Variants in FAN1 observed in about 807,000 individuals in gnomAD.
FAN1 encodes fanconi-associated nuclease 1.
FAN1 carries 91 observed loss-of-function variants against 104.9 expected under a neutral mutation model. The ratio of observed to expected loss-of-function variants is 0.87; its 90% CI spans 0.73 to 1.03. The LOEUF (loss-of-function observed/expected upper bound fraction) is 1.03. FAN1 is among the 50% of genes least tolerant of loss of function. The probability of loss-of-function intolerance (pLI) is 0.00; values close to 1 mark genes in which losing one functional copy is unlikely to be tolerated. For synonymous variants in FAN1, 478 were observed against 457.6 expected (o/e 1.04, Z -0.57); for missense variants, 1,263 against 1,239.9 (o/e 1.02, Z -0.28).
In FAN1 at chr15:30,905,237, C is replaced by G; in HGVS notation, c.574C>G (p.Leu192Val). The change falls in exon 2 of 15, where the codon CTG (leucine) becomes GTG (valine). Residue 192 changes from leucine (L) to valine (V), a missense_variant. By Grantham distance (32) the Leu-to-Val change is conservative (BLOSUM62 1). This residue lies in a region of FAN1 where 682 missense variants were observed against 571.1 expected (regional missense o/e 1.19). Coordinates refer to ENST00000362065, the MANE Select transcript of FAN1 (RefSeq NM_014967.5). ...TTCCAAATCCACAGTTGTTAAGAGC[C>G]TGATTGATAACTCTTCAGAAATTGA... ...QSSKSTVVKS[L>V]IDNSSEIEDE... 1 of 1,613,980 alleles carries G rather than the reference C, an allele frequency of 6.2e-7. No individual in the cohort carries two copies. The highest frequency in any genetic ancestry group is 2.2e-5 in the East Asian group (1 of 44,888).
chr15:30,931,554 T>A (rs181715170), intron 13 of FAN1, among the ~76,000 whole-genome samples: 1 of 152,284 alleles, frequency 6.6e-6, no homozygotes, highest in East Asian at 1.9e-4. Flanking sequence ...TGTTATAGTT[T>A]TAGGTTTTAC....
At chr15:30,940,505 G>A in intron 14 of FAN1, 1 of 985,418 alleles carries the variant, frequency 1.0e-6, no homozygotes, top group African/African-American at 1.7e-5. Flanking sequence ...ATTTCCAGGG[G>A]GAAGTGCCAG....
chr15:30,928,392 G>C (rs1390446115), intron 10 of FAN1, 161 bp from the exon 11 acceptor site: 2 of 1,452,902 alleles, frequency 1.4e-6, no homozygotes, highest in Admixed American at 5.4e-5. Flanking sequence ...AATAAACTGG[G>C]AATGGCGTGA....
Position 30,916,448 on chromosome 15 carries a change from C to A in FAN1, c.1812-1716C>A, listed in dbSNP as rs557206724. Among the ~76,000 whole-genome samples, 3 of 152,244 alleles carry A rather than the reference C, an allele frequency of 2.0e-5. No homozygotes were observed. The South Asian group carries it at 6.2e-4, about 32-fold the overall frequency. On this transcript the variant is annotated intron_variant, in intron 5 of 14. Coordinates refer to ENST00000362065, the MANE Select transcript of FAN1 (RefSeq NM_014967.5). Reference sequence around the variant, plus strand: ...GTTATACCCAAGTTCTATGACAAAACCATGGTTGACAAGTTCAAAAGGCAT... The same window carrying A: ...GTTATACCCAAGTTCTATGACAAAAACATGGTTGACAAGTTCAAAAGGCAT...
At chr15:30,923,923 G>A (rs1426498302) in intron 8 of FAN1, among the ~76,000 whole-genome samples, 1 of 152,082 alleles carries the variant, frequency 6.6e-6, no homozygotes, top group Non-Finnish European at 1.5e-5. Flanking sequence ...GGTACTCATA[G>A]TGTTGTGTGA....
chr15:30,926,961 T>C, intron 10 of FAN1: 1 of 985,460 alleles, frequency 1.0e-6, no homozygotes, highest in Non-Finnish European at 1.2e-6. Flanking sequence ...ATTTCTGAAG[T>C]ACTGCACCAA....
intron 13 of FAN1, among the ~76,000 whole-genome samples, chr15:30,933,785 A>G (rs1310193163): frequency 6.7e-6 from 1 of 150,346 alleles, no homozygotes; most frequent in African/African-American, 2.5e-5. Flanking sequence ...TTTGAGACAG[A>G]CTCTCACTAT....
rs2061906214 is a variant in FAN1 at position 30,903,986 on chromosome 15, G to T, written c.-178G>T. 1 of 152,466 alleles carries T rather than the reference G, an allele frequency of 6.6e-6. No homozygotes were observed. The highest frequency in any genetic ancestry group is 2.1e-4 in the South Asian group (1 of 4,832). The allele number at this position is 152,466 out of a possible 1,614,324, so 9.4% of individuals were successfully genotyped here. On this transcript the variant is annotated 5_prime_UTR_variant, in exon 1 of 15. Coordinates refer to ENST00000362065, the MANE Select transcript of FAN1 (RefSeq NM_014967.5). ...CAGGCCCTAGGGAGCAGGGAGAGTGGCTCGGGCTCAGTCGCGTGGCCCCAG... is the reference window on the plus strand; with the variant it reads ...CAGGCCCTAGGGAGCAGGGAGAGTGTCTCGGGCTCAGTCGCGTGGCCCCAG...
rs372355885 is a variant in FAN1, at chr15:30,925,820, G to A, written c.2369G>A (p.Arg790His). The A allele has an allele frequency of 3.1e-5, 50 of 1,614,072 alleles. No individual in the cohort carries two copies. The East Asian group carries it at 5.8e-4, about 19-fold the overall frequency. The change falls in exon 10 of 15, where the codon CGT becomes CAT. Residue 790 changes from arginine to histidine, a missense_variant. This residue lies in a region of FAN1 where 581 missense variants were observed against 668.8 expected (regional missense o/e 0.87). Transcript: ENST00000362065. ...ATCACAGGCAGGCTGTGCCCACAGC[G>A]TGGGATGTGCAAGTCTGTGTTTGTG... ...VTITGRLCPQRGMCKSVFVME... is the reference protein window; with the variant it reads ...VTITGRLCPQHGMCKSVFVME...
Position 30,911,230 on chromosome 15 carries a change from A to G in FAN1, c.1577+415A>G, listed in dbSNP as rs183617582. ...TGAGTTTAAACGTAACAATTTACCA[A>G]AAACTGTGAGTGGCTTCTTTTGTCC... On this transcript the variant is annotated intron_variant, in intron 4 of 14. Transcript: ENST00000362065. The G allele has an allele frequency of 1.0e-3, 1,004 of 992,550 alleles. 9 individuals are homozygous for G. The African/African-American group carries it at 0.016, about 16-fold the overall frequency. The allele number at this position is 992,550 out of a possible 1,614,324, so 61.5% of individuals were successfully genotyped here.
intron 4 of FAN1, 186 bp downstream of exon 4, chr15:30,911,001 C>T (rs925461949): frequency 2.0e-5 from 26 of 1,303,844 alleles, no homozygotes; most frequent in Admixed American, 1.1e-4. Flanking sequence ...AAATTTTTGT[C>T]GTAATACCGT....
intron 7 of FAN1, 43 bp downstream of exon 7, chr15:30,920,696 G>C (rs768342788): frequency 8.5e-7 from 1 of 1,181,724 alleles, no homozygotes; most frequent in South Asian, 1.3e-5. Context: ...CTGATGTGAT[G>C]GCGTTAAACA....
At chr15:30,906,076 T>C (rs905410082) in intron 2 of FAN1, among the ~76,000 whole-genome samples, 179 bp downstream of exon 2, 3 of 152,144 alleles carry the variant, frequency 2.0e-5, no homozygotes, top group African/African-American at 7.2e-5. Context: ...GAGGGATGCA[T>C]GGAAAAGAGA....
At chr15:30,921,105 A>G (rs1231211295) in intron 7 of FAN1, among the ~76,000 whole-genome samples, 1 of 152,194 alleles carries the variant, frequency 6.6e-6, no homozygotes, top group African/African-American at 2.4e-5. Flanking sequence ...GTGCCTGGCC[A>G]ACGAGGGCAT....
chr15:30,905,805 T>G lies in FAN1; in HGVS notation c.1142T>G (p.Val381Gly), dbSNP rs1290284397. The change falls in exon 2 of 15, where the codon GTG becomes GGG. Residue 381 changes from valine to glycine, a missense_variant. By Grantham distance (109) the Val-to-Gly change is moderately radical. Transcript: ENST00000362065. ...CCTTACTACCTTCGGAGTTTCCTTG[T>G]GGTGCTGAAAACCGTACTTGAGAAT... ...GHPYYLRSFL[V>G]VLKTVLENED... The G allele has an allele frequency of 6.2e-7, 1 of 1,614,210 alleles. No homozygotes were observed. The highest frequency in any genetic ancestry group is 1.1e-5 in the South Asian group (1 of 91,076).
At chr15:30,927,109 G>A (rs762009476) in intron 10 of FAN1, 8 of 916,190 alleles carry the variant, frequency 8.7e-6, no homozygotes, top group South Asian at 5.0e-5. Context: ...CTCTGAAGAC[G>A]GAGGTGGGAG....
At chr15:30,930,462 T>C (rs2062677948) in intron 12 of FAN1, 81 bp from the exon 13 acceptor site, 3 of 1,498,280 alleles carry the variant, frequency 2.0e-6, no homozygotes, top group Admixed American at 2.3e-5. Flanking sequence ...ACTGAGCTTT[T>C]CTCCGTCTCG....
intron 1 of FAN1, 66 bp from the exon 2 acceptor site, chr15:30,904,446 G>C: frequency 1.6e-6 from 1 of 639,300 alleles, no homozygotes; most frequent in East Asian, 2.8e-5. Context: ...AAACGTTTCA[G>C]AGTTCGCTTT....
intron 8 of FAN1, among the ~76,000 whole-genome samples, chr15:30,922,963 G>C (rs1019135144): frequency 6.6e-6 from 1 of 152,258 alleles, no homozygotes; most frequent in African/African-American, 2.4e-5. Context: ...CGCAGAGCCT[G>C]TGCCTGTGGG....
Sources: allele counts gnomAD v4.1 joint callset (sites outside exome capture counted in the v4.1 genomes callset), GRCh38; gene constraint gnomAD v4.1.1; regional missense constraint gnomAD v4.1.1; transcripts MANE v1.5; gene names NCBI Gene and HGNC (gene_info 2026-07-23, HGNC 2026-07-21).